Variants in DLGAP1 observed in about 807,000 individuals in gnomAD.
The protein encoded by DLGAP1 is disks large-associated protein 1.
A neutral mutation model predicts 90.8 loss-of-function variants in DLGAP1; 11 were observed. The ratio of observed to expected loss-of-function variants is 0.12; its 90% CI spans 0.08 to 0.20. DLGAP1 has a LOEUF of 0.20. DLGAP1 is among the 10% of genes least tolerant of loss of function. The pLI is 1.00. For missense variants in DLGAP1, 1,050 were observed against 1,333.8 expected (o/e 0.79, Z 3.31); for synonymous variants, 558 against 540.7 (o/e 1.03, Z -0.44).
chr18:4,220,567 T>C (rs142568661), intron 1 of DLGAP1, among the ~76,000 whole-genome samples: 411 of 152,282 alleles, frequency 2.7e-3, no homozygotes, highest in Middle Eastern at 6.8e-3. Context: ...TTCCACTCTC[T>C]CTAGTTTCTC....
At chr18:3,953,203 TA>T (rs1306119681) in intron 3 of DLGAP1, among the ~76,000 whole-genome samples, 1 of 152,184 alleles carries the variant, frequency 6.6e-6, no homozygotes, top group African/African-American at 2.4e-5. Flanking sequence ...CCTATAAGTT[TA>T]GGGGGTATAA....
chr18:4,249,927 A>G (rs1022712311), intron 1 of DLGAP1, among the ~76,000 whole-genome samples: 5 of 151,756 alleles, frequency 3.3e-5, no homozygotes, highest in Admixed American at 2.0e-4. Flanking sequence ...ATATTTATAA[A>G]CTCTTCTCTC....
rs1298206513 is a variant in DLGAP1, at chr18:3,711,297, A to T, written c.1591+17838T>A. Among the ~76,000 whole-genome samples, 1 of 152,256 alleles carries T rather than the reference A, an allele frequency of 6.6e-6. No individual in the cohort carries two copies. The highest frequency in any genetic ancestry group is 1.5e-5 in the Non-Finnish European group (1 of 68,042). ...CCCTTCTGTAATGACTCCAGTGATC[A>T]ATGCTTTCATCATGCAAGTGAATCA... On this transcript the variant is annotated intron_variant, in intron 7 of 12. Coordinates refer to ENST00000315677, the MANE Select transcript of DLGAP1 (RefSeq NM_004746.4). This position sits in a 1 kb window ranked among gnomAD's most constrained non-coding sequence, Gnocchi z 4.0.
chr18:3,646,384 C>T (rs2146375489), intron 7 of DLGAP1, among the ~76,000 whole-genome samples: 1 of 151,672 alleles, frequency 6.6e-6, no homozygotes, highest in Middle Eastern at 3.4e-3. Context: ...GATCCTGTTT[C>T]CAAAAAAAGA....
At chr18:3,964,763 G>A (rs899716746) in intron 3 of DLGAP1, among the ~76,000 whole-genome samples, 2 of 152,150 alleles carry the variant, frequency 1.3e-5, no homozygotes, top group African/African-American at 2.4e-5. Flanking sequence ...TTTAACCAGC[G>A]AAGCATGTTA....
chr18:3,560,163 G>A (rs887642588), intron 9 of DLGAP1, among the ~76,000 whole-genome samples: 3 of 151,384 alleles, frequency 2.0e-5, no homozygotes, highest in Non-Finnish European at 4.4e-5. Flanking sequence ...GCTCACGCCT[G>A]TAATCCCAGC....
chr18:3,924,132 TAGTGAGCCTGGCAG>T (rs1193641316), intron 3 of DLGAP1, among the ~76,000 whole-genome samples: 2 of 152,172 alleles, frequency 1.3e-5, no homozygotes, highest in African/African-American at 4.8e-5. Context: ...ATTACAGAAA[TAGTGAGCCTGGCAG>T]AGGCTAGAAA....
intron 1 of DLGAP1, among the ~76,000 whole-genome samples, chr18:4,339,380 A>G (rs1467776950): frequency 2.0e-5 from 3 of 152,198 alleles, no homozygotes; most frequent in African/African-American, 7.2e-5. Flanking sequence ...TGCGAGTCTT[A>G]ATACCTAGGT....
chr18:4,347,925 A>ATAC (rs55995685), intron 1 of DLGAP1, among the ~76,000 whole-genome samples: 1 of 151,836 alleles, frequency 6.6e-6, no homozygotes, highest in Non-Finnish European at 1.5e-5. Context: ...ATAATAATTA[A>ATAC]TGTTAATTCC....
chr18:4,010,645 T>C (rs1434968313), intron 2 of DLGAP1, among the ~76,000 whole-genome samples: 1 of 152,238 alleles, frequency 6.6e-6, no homozygotes, highest in Non-Finnish European at 1.5e-5. Flanking sequence ...GGAATGTATA[T>C]ATTTTTTGCT....
chr18:4,370,769 T>G (rs879404049), intron 1 of DLGAP1, among the ~76,000 whole-genome samples: 775 of 5,290 alleles, frequency 0.15, 5 homozygotes, highest in Non-Finnish European at 0.28. Flanking sequence ...ATGTGTGGGT[T>G]TTTTTTTTCA....
chr18:4,231,363 C>T (rs1363336042), intron 1 of DLGAP1, among the ~76,000 whole-genome samples: 1 of 152,154 alleles, frequency 6.6e-6, no homozygotes, highest in Admixed American at 6.6e-5. Flanking sequence ...GCCTGGGTGG[C>T]TGATCTCTAG....
chr18:3,559,103 G>A (rs1020704731), intron 9 of DLGAP1, among the ~76,000 whole-genome samples: 11 of 152,234 alleles, frequency 7.2e-5, no homozygotes, highest in African/African-American at 2.6e-4. Flanking sequence ...CCTAGAAAAC[G>A]TAGCATTCCT....
chr18:4,068,457 C>T (rs2075401681), intron 2 of DLGAP1, among the ~76,000 whole-genome samples: 1 of 151,618 alleles, frequency 6.6e-6, no homozygotes, highest in Non-Finnish European at 1.5e-5. Context: ...CATTTGGAAA[C>T]CATAACTTTA....
intron 7 of DLGAP1, among the ~76,000 whole-genome samples, chr18:3,672,471 G>C (rs1709967573): frequency 6.7e-6 from 1 of 150,368 alleles, no homozygotes; most frequent in Non-Finnish European, 1.5e-5. Context: ...CAGGTACTCT[G>C]GAGGCTGAGG....
chr18:3,656,957 A>G (rs2146533694), intron 7 of DLGAP1, among the ~76,000 whole-genome samples: 1 of 152,196 alleles, frequency 6.6e-6, no homozygotes, highest in East Asian at 1.9e-4. Context: ...TGTATTAGTC[A>G]GGATGGTCTC....
intron 7 of DLGAP1, among the ~76,000 whole-genome samples, chr18:3,650,147 G>A (rs1010173928): frequency 3.3e-5 from 5 of 152,082 alleles, no homozygotes; most frequent in African/African-American, 1.2e-4. Context: ...GGATTCAAGC[G>A]ATTCTCCCGC....
At chr18:3,635,269 T>C (rs181329986) in intron 7 of DLGAP1, among the ~76,000 whole-genome samples, 4,042 of 152,184 alleles carry the variant, frequency 0.027, 74 homozygotes, top group Non-Finnish European at 0.04. Context: ...TAGCTGGGAC[T>C]ACAGGCGCCC....
At chr18:4,389,025 T>C (rs1016685021) in intron 1 of DLGAP1, among the ~76,000 whole-genome samples, 3 of 152,134 alleles carry the variant, frequency 2.0e-5, no homozygotes, top group African/African-American at 7.2e-5. Flanking sequence ...GCCAAAAACA[T>C]TGAAAGCAAT....
Sources: gnomAD v4.1 joint callset for allele counts (sites outside exome capture counted in the v4.1 genomes callset) on GRCh38, gnomAD v4.1.1 for gene constraint, Gnocchi (gnomAD v3.1) non-coding constraint, MANE v1.5 for transcripts, NCBI Gene and HGNC (gene_info 2026-07-23, HGNC 2026-07-21) for gene names.